MGMT: variants seen among roughly 807,000 people sequenced by gnomAD.
MGMT encodes the protein methylated-DNA--protein-cysteine methyltransferase.
MGMT carries 14 observed loss-of-function variants against 15.9 expected under a neutral mutation model. The observed-to-expected ratio is 0.88, with a 90% confidence interval of 0.58 to 1.37. The LOEUF (loss-of-function observed/expected upper bound fraction) is 1.37, where lower values mean the gene tolerates loss of function less well. Among genes scored for constraint, MGMT ranks in the 40% most tolerant of loss-of-function variants. MGMT has a pLI of 0.00. For synonymous variants in MGMT, 130 were observed against 118.2 expected (o/e 1.10, Z -0.65); for missense variants, 282 against 268.1 (o/e 1.05, Z -0.36).
Position 129,540,694 on chromosome 10 carries a change from A to G in MGMT, c.125+4317A>G, listed in dbSNP as rs75049542. Among the ~76,000 whole-genome samples the G allele has an allele frequency of 3.2e-3, 487 of 152,312 alleles. 2 individuals are homozygous for G. Among genetic ancestry groups the G allele is most frequent in the African/African-American group, 0.011 (466 of 41,570 alleles). ...TTGTTTTGGAATTAGTCTCATTCTG[A>G]TGACAGATCAATTTGGAAGCATTCC... On this transcript the variant is annotated intron_variant, in intron 2 of 4. Transcript: ENST00000651593.
chr10:129,573,732 C>T (rs1484213832), intron 2 of MGMT, among the ~76,000 whole-genome samples: 2 of 152,122 alleles, frequency 1.3e-5, no homozygotes, highest in African/African-American at 4.8e-5. Context: ...TTTACAAGGA[C>T]AACAAAAAAG....
chr10:129,709,122 T>G (rs1044886172), intron 3 of MGMT, among the ~76,000 whole-genome samples: 3 of 152,188 alleles, frequency 2.0e-5, no homozygotes, highest in Non-Finnish European at 4.4e-5. Context: ...CAGAACTGTC[T>G]CCAGAAGGGT....
intron 2 of MGMT, among the ~76,000 whole-genome samples, chr10:129,649,185 A>G (rs1057446747): frequency 6.6e-6 from 1 of 152,206 alleles, no homozygotes; most frequent in African/African-American, 2.4e-5. Flanking sequence ...GATTACTTCA[A>G]GTGACTGAAC....
intron 1 of MGMT, among the ~76,000 whole-genome samples, chr10:129,472,711 TG>T (rs1845246396): frequency 6.6e-6 from 1 of 152,184 alleles, no homozygotes; most frequent in Non-Finnish European, 1.5e-5. Flanking sequence ...GGCCTGGCGC[TG>T]GGGAGGCCTG....
intron 2 of MGMT, among the ~76,000 whole-genome samples, chr10:129,645,475 A>T (rs1847377651): frequency 6.6e-6 from 1 of 151,956 alleles, no homozygotes; most frequent in Admixed American, 6.6e-5. Flanking sequence ...ATCCACGGTG[A>T]GGTTGTGTTT....
At chr10:129,706,493 GTGCAGTGACGT>G (rs1554879588) in intron 2 of MGMT, among the ~76,000 whole-genome samples, 1 of 152,200 alleles carries the variant, frequency 6.6e-6, no homozygotes, top group Non-Finnish European at 1.5e-5. Flanking sequence ...AGCATCCACA[GTGCAGTGACGT>G]TTCCCACCTT....
chr10:129,728,197 G>A (rs980024487), intron 3 of MGMT, among the ~76,000 whole-genome samples: 4 of 152,134 alleles, frequency 2.6e-5, no homozygotes, highest in Non-Finnish European at 5.9e-5. Flanking sequence ...TGGATGGCAG[G>A]GAAAAGAAGA....
intron 3 of MGMT, among the ~76,000 whole-genome samples, chr10:129,756,957 G>T (rs754800352): frequency 6.6e-6 from 1 of 152,174 alleles, no homozygotes; most frequent in African/African-American, 2.4e-5. Flanking sequence ...TTCAAGAACG[G>T]GTGTCATTCA....
At chr10:129,468,713 A>G (rs1762437) in intron 1 of MGMT, among the ~76,000 whole-genome samples, 1 of 152,026 alleles carries the variant, frequency 6.6e-6, no homozygotes, top group Admixed American at 6.5e-5. Context: ...GGTGAAACCC[A>G]GTTTCTACTA....
chr10:129,705,364 C>T (rs572910945), intron 2 of MGMT, among the ~76,000 whole-genome samples: 73 of 152,320 alleles, frequency 4.8e-4, no homozygotes, highest in African/African-American at 1.7e-3. Flanking sequence ...AGGGTATTTC[C>T]GCCCACAGTA....
chr10:129,472,717 G>A (rs1845246426), intron 1 of MGMT, among the ~76,000 whole-genome samples: 1 of 152,194 alleles, frequency 6.6e-6, no homozygotes, highest in Admixed American at 6.5e-5. Flanking sequence ...GCGCTGGGGA[G>A]GCCTGAATGA....
intron 2 of MGMT, among the ~76,000 whole-genome samples, chr10:129,616,705 A>G (rs1847031672): frequency 6.6e-6 from 1 of 152,298 alleles, no homozygotes; most frequent in South Asian, 2.1e-4. Context: ...ACTAGACAGA[A>G]GTGGATCTCT....
intron 1 of MGMT, among the ~76,000 whole-genome samples, chr10:129,497,527 A>T (rs1367130655): frequency 2.0e-5 from 3 of 152,218 alleles, no homozygotes; most frequent in African/African-American, 7.2e-5. Flanking sequence ...CACAAATAGC[A>T]CAAAGTTTCT....
At chr10:129,621,331 C>G (rs1379182731) in intron 2 of MGMT, among the ~76,000 whole-genome samples, 1 of 152,200 alleles carries the variant, frequency 6.6e-6, no homozygotes, top group Non-Finnish European at 1.5e-5. Flanking sequence ...GATCTTACTT[C>G]TACATGTTAT....
chr10:129,742,997 C>T (rs1161935541), intron 3 of MGMT, among the ~76,000 whole-genome samples: 5 of 106,126 alleles, frequency 4.7e-5, no homozygotes, highest in Admixed American at 4.6e-4. Flanking sequence ...AGGTGGTAAA[C>T]GATAAAAAAA....
Position 129,612,512 on chromosome 10 carries a change from C to G in MGMT, c.125+76135C>G, listed in dbSNP as rs181170010. On this transcript the variant is annotated intron_variant, in intron 2 of 4. Coordinates refer to ENST00000651593, the MANE Select transcript of MGMT (RefSeq NM_002412.5). ...TATTTTATCATTACCTAGTTTTATA[C>G]CCGGGAATGTTAGTTGTTGCACGTG... is the stretch of plus-strand genomic sequence containing the variant. Among the ~76,000 whole-genome samples the G allele has an allele frequency of 7.8e-4, 119 of 152,288 alleles. 2 individuals are homozygous for G. The East Asian group carries it at 0.019, about 24-fold the overall frequency.
chr10:129,467,529 T>G, intron 1 of MGMT: 1 of 735,484 alleles, frequency 1.4e-6, no homozygotes. Flanking sequence ...GACTGTGGAC[T>G]GGCGTGTGGC....
chr10:129,527,055 T>TACC (rs1412999276), intron 1 of MGMT, among the ~76,000 whole-genome samples: 1 of 152,242 alleles, frequency 6.6e-6, no homozygotes, highest in East Asian at 1.9e-4. Flanking sequence ...CCGGGAGCAC[T>TACC]ACCAGCCTGT....
At chr10:129,503,116 T>TTTA (rs1208831880) in intron 1 of MGMT, among the ~76,000 whole-genome samples, 1 of 151,824 alleles carries the variant, frequency 6.6e-6, no homozygotes, top group Non-Finnish European at 1.5e-5. Context: ...GATTTTTTTT[T>TTTA]TTATTATTAT....
Sources: gnomAD v4.1 joint callset for allele counts (sites outside exome capture counted in the v4.1 genomes callset) on GRCh38, gnomAD v4.1.1 for gene constraint, MANE v1.5 for transcripts, NCBI Gene and HGNC (gene_info 2026-07-23, HGNC 2026-07-21) for gene names.